TTC27: variants seen among roughly 807,000 people sequenced by gnomAD.
TTC27 encodes tetratricopeptide repeat protein 27.
Under a neutral mutation model 115.9 loss-of-function variants are expected in TTC27, and 79 were observed. That is an observed-to-expected ratio of 0.68 (90% CI 0.57 to 0.82). TTC27 has a LOEUF of 0.82. Among genes scored for constraint, TTC27 ranks in the 40% least tolerant of loss-of-function variants. TTC27 has a pLI of 0.00. For synonymous variants in TTC27, 401 were observed against 356.0 expected, an observed-to-expected ratio of 1.13 and a Z score of -1.42; for missense variants, 1,054 against 993.1, an observed-to-expected ratio of 1.06 and a Z score of -0.82.
intron 10 of TTC27, among the ~76,000 whole-genome samples, chr2:32,721,343 T>A (rs1667918970): frequency 6.6e-6 from 1 of 152,176 alleles, no homozygotes; most frequent in South Asian, 2.1e-4. Context: ...CTATTATAAC[T>A]GAGAGTTCTA....
intron 10 of TTC27, among the ~76,000 whole-genome samples, chr2:32,720,329 A>T (rs1462428076): frequency 6.6e-6 from 1 of 152,190 alleles, no homozygotes; most frequent in African/African-American, 2.4e-5. Flanking sequence ...CACTCAATGG[A>T]TGTTTGCTAA....
At chr2:32,742,741 G>A (rs1317644668) in intron 12 of TTC27, among the ~76,000 whole-genome samples, 2 of 152,174 alleles carry the variant, frequency 1.3e-5, no homozygotes, top group Non-Finnish European at 1.5e-5. Context: ...TATTGAGGAC[G>A]TAGAGCACCT....
chr2:32,664,267 AT>A (rs776081232), intron 5 of TTC27, 35 bp from the exon 6 acceptor site: 5 of 1,556,872 alleles, frequency 3.2e-6, no homozygotes, highest in Non-Finnish European at 4.4e-6. Context: ...TTTTCTTCTC[AT>A]CATAACTTTT....
chr2:32,676,838 T>C (rs1228484798), intron 8 of TTC27, among the ~76,000 whole-genome samples: 1 of 151,784 alleles, frequency 6.6e-6, no homozygotes, highest in Non-Finnish European at 1.5e-5. Context: ...ATATGCCCTT[T>C]AAAATTTGTT....
chr2:32,800,184 G>GT (rs1288596124), intron 16 of TTC27, among the ~76,000 whole-genome samples: 7 of 152,124 alleles, frequency 4.6e-5, no homozygotes, highest in South Asian at 2.1e-4. Context: ...TACAAGTGCT[G>GT]TTTTTTGTTT....
chr2:32,810,479 G>A (rs1671283616), intron 16 of TTC27, among the ~76,000 whole-genome samples: 1 of 152,194 alleles, frequency 6.6e-6, no homozygotes, highest in Admixed American at 6.5e-5. Context: ...AGATAATCTA[G>A]GTTGATGCTC....
chr2:32,802,567 G>A (rs1670988491), intron 16 of TTC27, among the ~76,000 whole-genome samples: 1 of 152,120 alleles, frequency 6.6e-6, no homozygotes, highest in South Asian at 2.1e-4. Context: ...GAGTGCTGTT[G>A]TCAAGTTCCG....
In TTC27 at chr2:32,628,316, T is replaced by C; in HGVS notation, c.24T>C (p.Ile8=). MWTPELA[I]LRGFPTEAER... The stretch of plus-strand genomic sequence containing the variant: ...TGATGTGGACCCCGGAGCTGGCAAT[T>C]CTGAGGGGATTCCCCACTGAGGCTG... Residue 8 remains isoleucine, a synonymous_variant, in exon 1 of 20, where the codon ATT becomes ATC. Transcript: ENST00000317907. 6.2e-7 allele frequency: 1 copy of C among 1,607,488 alleles called. No homozygotes were observed. The highest frequency in any genetic ancestry group is 2.2e-5 in the East Asian group (1 of 44,552).
chr2:32,674,920 C>G (rs1666145035), intron 8 of TTC27, among the ~76,000 whole-genome samples: 1 of 152,100 alleles, frequency 6.6e-6, no homozygotes, highest in Non-Finnish European at 1.5e-5. Flanking sequence ...CCTCGGCCTC[C>G]CAAAGTGCTG....
intron 16 of TTC27, among the ~76,000 whole-genome samples, chr2:32,802,037 T>C (rs756632640): frequency 1.3e-5 from 2 of 152,100 alleles, no homozygotes; most frequent in Admixed American, 6.5e-5. Context: ...CTGAAAGAAT[T>C]TGTGTATATG....
At chr2:32,802,562 C>T (rs1670988269) in intron 16 of TTC27, among the ~76,000 whole-genome samples, 1 of 152,168 alleles carries the variant, frequency 6.6e-6, no homozygotes, top group Non-Finnish European at 1.5e-5. Flanking sequence ...ACTTAGAGTG[C>T]TGTTGTCAAG....
chr2:32,784,207 T>C (rs1670275061), intron 15 of TTC27, among the ~76,000 whole-genome samples: 1 of 152,228 alleles, frequency 6.6e-6, no homozygotes, highest in South Asian at 2.1e-4. Flanking sequence ...AGCCCAATCA[T>C]GTTAGGAATT....
rs142030247 is a variant in TTC27, at chr2:32,682,844, G to GTTTTTTTTTTTTTTTTTTTTTTTTTTTT, written c.1119+3924_1119+3925insTTTTTTTTTTTTTTTTTTTTTTTTTTTT. ...CCACCACACCCGGATAATTTTTATT[G>GTTTTTTTTTTTTTTTTTTTTTTTTTTTT]TTGTTTTTTTTTTTTTTTTTTTTTT... On this transcript the variant is annotated intron_variant, in intron 9 of 19. Coordinates refer to ENST00000317907, the MANE Select transcript of TTC27 (RefSeq NM_017735.5). Among the ~76,000 whole-genome samples, 4 of 56,982 alleles carry GTTTTTTTTTTTTTTTTTTTTTTTTTTTT rather than the reference G, an allele frequency of 7.0e-5. 1 individual carries two copies. Among genetic ancestry groups the GTTTTTTTTTTTTTTTTTTTTTTTTTTTT allele is most frequent in the African/African-American group, 7.5e-5 (1 of 13,302 alleles). The allele number at this position is 56,982 out of a possible 152,430, so 37.4% of individuals were successfully genotyped here. A position where few individuals can be genotyped will look rare whatever the true frequency, so the allele number is the denominator to read the frequency against.
chr2:32,758,906 C>A (rs1038328063), intron 13 of TTC27, among the ~76,000 whole-genome samples: 1 of 151,856 alleles, frequency 6.6e-6, no homozygotes, highest in Non-Finnish European at 1.5e-5. Context: ...GAAAGAAAAA[C>A]CTTTATATAA....
At chr2:32,760,573 A>AT (rs1207518546) in intron 13 of TTC27, among the ~76,000 whole-genome samples, 3 of 151,560 alleles carry the variant, frequency 2.0e-5, no homozygotes, top group African/African-American at 4.8e-5. Flanking sequence ...TTATCACTCT[A>AT]TTTTTTTTGG....
intron 5 of TTC27, among the ~76,000 whole-genome samples, chr2:32,660,172 C>T (rs935867801): frequency 1.2e-4 from 18 of 152,146 alleles, no homozygotes; most frequent in African/African-American, 4.3e-4. Context: ...TCTTCTCCAG[C>T]ATCTGTTGTT....
intron 4 of TTC27, among the ~76,000 whole-genome samples, chr2:32,644,597 C>CT (rs976241751): frequency 4.0e-5 from 6 of 151,132 alleles, no homozygotes; most frequent in African/African-American, 9.7e-5. Context: ...TTTTCTTTTT[C>CT]TTTTTTTTGA....
At chr2:32,795,338 GA>G (rs367887253) in intron 16 of TTC27, among the ~76,000 whole-genome samples, 28 of 150,304 alleles carry the variant, frequency 1.9e-4, no homozygotes, top group Admixed American at 7.3e-4. Flanking sequence ...AGAATGAGGG[GA>G]AAAAAAAATC....
intron 10 of TTC27, among the ~76,000 whole-genome samples, chr2:32,708,030 A>C: frequency 6.6e-6 from 1 of 152,138 alleles, no homozygotes; most frequent in Non-Finnish European, 1.5e-5. Flanking sequence ...CCCAGTGGTC[A>C]AAGCTAGAAC....
Sources: gnomAD v4.1 joint callset for allele counts (sites outside exome capture counted in the v4.1 genomes callset) on GRCh38, gnomAD v4.1.1 for gene constraint, MANE v1.5 for transcripts, NCBI Gene and HGNC (gene_info 2026-07-23, HGNC 2026-07-21) for gene names.